Variants in ENTREP2 observed in about 807,000 individuals in gnomAD.
ENTREP2 encodes the protein protein ENTREP2.
the ENTREP2 span, among the ~76,000 whole-genome samples, chr15:29,544,180 T>G: frequency 6.6e-6 from 1 of 152,158 alleles, no homozygotes; most frequent in South Asian, 2.1e-4. Context: ...AAGAAAGACA[T>G]AAGAAGTTTT....
the ENTREP2 span, among the ~76,000 whole-genome samples, chr15:29,391,775 A>G: frequency 2.0e-5 from 3 of 152,210 alleles, no homozygotes; most frequent in Non-Finnish European, 4.4e-5. Context: ...TAGTTTAAAA[A>G]TTTCAAAATA....
the ENTREP2 span, among the ~76,000 whole-genome samples, chr15:29,386,450 G>A: frequency 6.6e-6 from 1 of 152,134 alleles, no homozygotes; most frequent in African/African-American, 2.4e-5. Context: ...GCGGATAAGG[G>A]AACTCCTCCG....
At chr15:29,137,186 C>T in the ENTREP2 span, 194 of 1,478,524 alleles carry the variant, frequency 1.3e-4, no homozygotes, top group East Asian at 2.9e-3. Context: ...GTGACCTCTG[C>T]GGAAGGAACT....
chr15:29,383,962 C>T, the ENTREP2 span, among the ~76,000 whole-genome samples: 1 of 152,326 alleles, frequency 6.6e-6, no homozygotes, highest in East Asian at 1.9e-4. Flanking sequence ...CACCCAGGCT[C>T]CTTGCCTCGC....
At chr15:29,136,535 C>G in the ENTREP2 span, 1 of 1,540,626 alleles carries the variant, frequency 6.5e-7, no homozygotes, top group Non-Finnish European at 8.7e-7. Context: ...CGTCATTGCC[C>G]GAAGGAGGAG....
At chr15:29,616,531 C>T in the ENTREP2 span, among the ~76,000 whole-genome samples, 1 of 152,236 alleles carries the variant, frequency 6.6e-6, no homozygotes, top group East Asian at 1.9e-4. Context: ...GTTAACCTGG[C>T]TGTGTTTTCT....
chr15:29,480,338 CAAAAAAAAAAAA>C, the ENTREP2 span, among the ~76,000 whole-genome samples: 31 of 29,430 alleles, frequency 1.1e-3, 1 homozygote, highest in South Asian at 0.01. Context: ...TTCACTATAG[CAAAAAAAAAAAA>C]AAAAAAAAAA....
chr15:29,501,201 C>T, the ENTREP2 span, among the ~76,000 whole-genome samples: 4 of 152,008 alleles, frequency 2.6e-5, no homozygotes, highest in Admixed American at 2.0e-4. Flanking sequence ...GTAATTCATT[C>T]TGTGGAAGTG....
chr15:29,605,274 G>T, the ENTREP2 span, among the ~76,000 whole-genome samples: 1 of 152,208 alleles, frequency 6.6e-6, no homozygotes, highest in Non-Finnish European at 1.5e-5. Flanking sequence ...TCTTTTGAGA[G>T]ATAATCATAG....
At chr15:29,310,201 G>A in the ENTREP2 span, among the ~76,000 whole-genome samples, 3 of 152,180 alleles carry the variant, frequency 2.0e-5, no homozygotes, top group African/African-American at 7.2e-5. Flanking sequence ...TCACCTATGT[G>A]AGCACAGGTG....
the ENTREP2 span, among the ~76,000 whole-genome samples, chr15:29,553,034 G>T: frequency 6.6e-6 from 1 of 152,208 alleles, no homozygotes; most frequent in Non-Finnish European, 1.5e-5. Context: ...GGTGGCTCAC[G>T]CCTGTAATCC....
the ENTREP2 span, among the ~76,000 whole-genome samples, chr15:29,621,944 A>G: frequency 6.6e-6 from 1 of 152,222 alleles, no homozygotes; most frequent in Non-Finnish European, 1.5e-5. Context: ...CATTTCTACT[A>G]AGTGAAATGA....
chr15:29,266,722 A>G, the ENTREP2 span: 5 of 152,246 alleles, frequency 3.3e-5, no homozygotes, highest in African/African-American at 1.2e-4. Context: ...ATACATGTAT[A>G]GTAAAATTAT....
the ENTREP2 span, among the ~76,000 whole-genome samples, chr15:29,546,897 AC>A: frequency 0.036 from 1,930 of 54,360 alleles, 107 homozygotes; most frequent in African/African-American, 0.19. Context: ...AAAAAAAAAA[AC>A]AACAACAAAA....
chr15:29,316,561 T>C, the ENTREP2 span, among the ~76,000 whole-genome samples: 3 of 152,182 alleles, frequency 2.0e-5, no homozygotes, highest in African/African-American at 7.2e-5. Flanking sequence ...TGACACAAAA[T>C]AATGTGATGT....
the ENTREP2 span, among the ~76,000 whole-genome samples, chr15:29,492,859 C>T: frequency 6.6e-6 from 1 of 151,696 alleles, no homozygotes; most frequent in Non-Finnish European, 1.5e-5. Flanking sequence ...CAAAAATTAG[C>T]CAGGCGTGGT....
chr15:29,386,402 G>A, the ENTREP2 span, among the ~76,000 whole-genome samples: 5 of 152,266 alleles, frequency 3.3e-5, no homozygotes, highest in Admixed American at 6.5e-5. Flanking sequence ...GCGGGGCACC[G>A]AAGAAGCGAA....
At chr15:29,466,686 C>CA in the ENTREP2 span, among the ~76,000 whole-genome samples, 22 of 84,602 alleles carry the variant, frequency 2.6e-4, no homozygotes, top group Admixed American at 7.2e-4. Context: ...GGGGAGGGCC[C>CA]GGGGAGGATG....
At chr15:29,516,856 C>G in the ENTREP2 span, among the ~76,000 whole-genome samples, 3 of 150,724 alleles carry the variant, frequency 2.0e-5, no homozygotes, top group East Asian at 5.9e-4. Context: ...GAGGGTGGTT[C>G]TCTGGGGTGA....
Sources: allele counts gnomAD v4.1 joint callset (sites outside exome capture counted in the v4.1 genomes callset), GRCh38; gene constraint gnomAD v4.1.1; transcripts MANE v1.5; gene names NCBI Gene and HGNC (gene_info 2026-07-23, HGNC 2026-07-21).